The following ALPK2 variants were observed in gnomAD, a reference collection of about 807,000 sequenced individuals.
The protein encoded by ALPK2 is alpha kinase 2, also known as alpha-protein kinase 2.
A neutral mutation model predicts 163.1 loss-of-function variants in ALPK2; 127 were observed. The observed-to-expected ratio is 0.78, with a 90% CI of 0.67 to 0.90. The LOEUF (loss-of-function observed/expected upper bound fraction) is 0.90. Among genes scored for constraint, ALPK2 ranks in the 40% least tolerant of loss-of-function variants. The probability of loss-of-function intolerance (pLI) is 0.00; values close to 1 mark genes in which losing one functional copy is unlikely to be tolerated. For synonymous variants in ALPK2, 953 were observed against 959.1 expected (o/e 0.99, Z 0.12); for missense variants, 2,360 against 2,589.6 (o/e 0.91, Z 1.92).
chr18:58,605,849 A>T (rs1352301678), intron 3 of ALPK2, among the ~76,000 whole-genome samples: 1 of 152,254 alleles, frequency 6.6e-6, no homozygotes, highest in African/African-American at 2.4e-5. Context: ...ACCACTGATC[A>T]TCCATACCAG....
chr18:58,553,244 C>T (rs1273865955), intron 4 of ALPK2, among the ~76,000 whole-genome samples: 1 of 152,142 alleles, frequency 6.6e-6, no homozygotes, highest in Non-Finnish European at 1.5e-5. Flanking sequence ...GAAGGCACCC[C>T]GGTTTTGGGT....
In ALPK2 at chr18:58,618,014, C is replaced by G. The variant is rs114692562; in HGVS notation, c.-20-6197G>C. Among the ~76,000 whole-genome samples, 639 of 152,250 alleles carry G rather than the reference C, an allele frequency of 4.2e-3. 4 individuals carry two copies. The highest frequency in any genetic ancestry group is 0.015 in the African/African-American group (611 of 41,540). On this transcript the variant is annotated intron_variant, in intron 1 of 12. Coordinates refer to ENST00000361673, the MANE Select transcript of ALPK2 (RefSeq NM_052947.4). ...CCTAAATGCCAAGAAATAGAATTAC[C>G]AGAGAGAAGACTGTTCACATATCAC...
intron 4 of ALPK2, among the ~76,000 whole-genome samples, chr18:58,569,869 G>T (rs1602222895): frequency 1.3e-5 from 2 of 151,108 alleles, no homozygotes; most frequent in Non-Finnish European, 3.0e-5. Flanking sequence ...GGTGGCTCAT[G>T]CCTGTAATCC....
At chr18:58,523,588 C>T (rs889450103) in intron 8 of ALPK2, among the ~76,000 whole-genome samples, 5 of 152,294 alleles carry the variant, frequency 3.3e-5, no homozygotes, top group African/African-American at 9.6e-5. Context: ...TGTTTCCTGA[C>T]TTTTTAATGA....
At chr18:58,555,360 T>C (rs1235013490) in intron 4 of ALPK2, among the ~76,000 whole-genome samples, 2 of 152,242 alleles carry the variant, frequency 1.3e-5, no homozygotes, top group Non-Finnish European at 2.9e-5. Flanking sequence ...ATTCGAATCA[T>C]ATCTAGGTAC....
Position 58,537,619 on chromosome 18 carries a change from A to T in ALPK2, c.2568T>A (p.Asn856Lys). ...GAAAAAAGACTTCCAGTGTCTTGTC[A>T]TTAGAAGAACATAAATCAGATACTT... ...QNKVSDLCSS[N>K]DKTLEVFFQT... The change falls in exon 5 of 13, where the codon AAT becomes AAA. Residue 856 changes from asparagine to lysine, a missense_variant. Asn to Lys is a moderately conservative substitution (Grantham distance 94). Transcript: ENST00000361673. 6.2e-7 allele frequency: 1 copy of T among 1,613,594 alleles called. No individual in the cohort carries two copies. The highest frequency in any genetic ancestry group is 8.5e-7 in the Non-Finnish European group (1 of 1,179,568).
At chr18:58,505,824 C>T (rs1391102709) in intron 10 of ALPK2, among the ~76,000 whole-genome samples, 2 of 152,312 alleles carry the variant, frequency 1.3e-5, no homozygotes, top group Admixed American at 6.5e-5. Flanking sequence ...GTTCTCTTCT[C>T]GGCCCCCACC....
At position 58,538,192 on chromosome 18, in the gene ALPK2, G is replaced by A; in HGVS notation, c.1995C>T (p.Ile665=). The part of the protein sequence containing the change: ...VQVQETVRET[I]SCSQMPAFSE... The stretch of plus-strand genomic sequence containing the variant: ...AGAAAGCTGGCATCTGGCTGCAAGA[G>A]ATTGTCTCTCTGACTGTTTCCTGAA... The change falls in exon 5 of 13, where the codon ATC becomes ATT. Residue 665 remains isoleucine, a synonymous_variant. Coordinates refer to ENST00000361673, the MANE Select transcript of ALPK2 (RefSeq NM_052947.4). The A allele has an allele frequency of 6.2e-7, 1 of 1,612,286 alleles. No individual in the cohort carries two copies. Among genetic ancestry groups the A allele is most frequent in the Non-Finnish European group, 8.5e-7 (1 of 1,180,004 alleles).
chr18:58,507,741 T>G (rs55732975), intron 10 of ALPK2, among the ~76,000 whole-genome samples: 17,211 of 152,258 alleles, frequency 0.11, 1,192 homozygotes, highest in Non-Finnish European at 0.16. Flanking sequence ...CCATTTTCCC[T>G]TTAACCTTCA....
chr18:58,515,166 C>A, intron 9 of ALPK2, 85 bp from the exon 10 acceptor site: 1 of 1,062,522 alleles, frequency 9.4e-7, no homozygotes, highest in East Asian at 2.8e-5. Context: ...AGGAGATTTC[C>A]CAGTAAGGTA....
chr18:58,562,911 C>G (rs933733139), intron 4 of ALPK2, among the ~76,000 whole-genome samples: 6 of 152,120 alleles, frequency 3.9e-5, no homozygotes, highest in Non-Finnish European at 7.4e-5. Context: ...GTCATGGGGC[C>G]CCAGCCTCAT....
chr18:58,622,104 T>TG (rs1269131738), intron 1 of ALPK2, among the ~76,000 whole-genome samples: 1 of 151,540 alleles, frequency 6.6e-6, no homozygotes, highest in Non-Finnish European at 1.5e-5. Flanking sequence ...CCCAGCATTT[T>TG]GGGAGGCCGA....
chr18:58,500,142 G>A (rs1467287047), intron 11 of ALPK2, among the ~76,000 whole-genome samples: 1 of 151,388 alleles, frequency 6.6e-6, no homozygotes, highest in Non-Finnish European at 1.5e-5. Flanking sequence ...CTCTTTCGCA[G>A]TTGGTAACTA....
intron 12 of ALPK2, among the ~76,000 whole-genome samples, chr18:58,487,624 G>A (rs1392967815): frequency 1.3e-5 from 2 of 152,030 alleles, no homozygotes; most frequent in African/African-American, 4.8e-5. Flanking sequence ...GGGTCTTTTT[G>A]TCCTTAACCT....
chr18:58,578,746 A>ACACG (rs1568091167), intron 4 of ALPK2, 68 bp downstream of exon 4: 18 of 821,774 alleles, frequency 2.2e-5, no homozygotes, highest in Admixed American at 2.8e-5. Flanking sequence ...ACACACACAC[A>ACACG]CACACACACA....
chr18:58,566,268 C>T (rs2051852629), intron 4 of ALPK2, among the ~76,000 whole-genome samples: 3 of 152,198 alleles, frequency 2.0e-5, no homozygotes, highest in South Asian at 2.1e-4. Flanking sequence ...CATTGAAGCA[C>T]TTGTCTCTTC....
chr18:58,546,604 A>G (rs1201654072), intron 4 of ALPK2, among the ~76,000 whole-genome samples: 1 of 152,222 alleles, frequency 6.6e-6, no homozygotes, highest in African/African-American at 2.4e-5. Context: ...TGTTGGTAAA[A>G]TGGCATAGAA....
At chr18:58,506,715 T>C (rs558733477) in intron 10 of ALPK2, among the ~76,000 whole-genome samples, 26 of 152,308 alleles carry the variant, frequency 1.7e-4, no homozygotes, top group African/African-American at 6.0e-4. Flanking sequence ...TATGAATGAA[T>C]GAATGAATGA....
intron 4 of ALPK2, among the ~76,000 whole-genome samples, chr18:58,569,255 C>T (rs910767617): frequency 6.6e-6 from 1 of 152,152 alleles, no homozygotes; most frequent in Admixed American, 6.5e-5. Flanking sequence ...GGCTCTCAAC[C>T]TTGGAAGTAT....
Sources: gnomAD v4.1 joint callset for allele counts (sites outside exome capture counted in the v4.1 genomes callset) on GRCh38, gnomAD v4.1.1 for gene constraint, MANE v1.5 for transcripts, NCBI Gene and HGNC (gene_info 2026-07-23, HGNC 2026-07-21) for gene names.